ZFR: variants seen among roughly 807,000 people sequenced by gnomAD.
ZFR encodes the protein zinc finger RNA binding protein.
Under a neutral mutation model 130.7 loss-of-function variants are expected in ZFR, and 19 were observed. The ratio of observed to expected loss-of-function variants is 0.15; its 90% confidence interval spans 0.10 to 0.21. ZFR has a LOEUF of 0.21. Among genes scored for constraint, ZFR ranks in the 10% least tolerant of loss-of-function variants. ZFR has a pLI of 1.00. For missense variants in ZFR, 872 were observed against 1,321.5 expected (o/e 0.66, Z 5.27); for synonymous variants, 466 against 456.9 (o/e 1.02, Z -0.25).
intron 9 of ZFR, among the ~76,000 whole-genome samples, chr5:32,399,417 A>G (rs774139304): frequency 1.9e-4 from 29 of 152,234 alleles, no homozygotes; most frequent in Non-Finnish European, 3.5e-4. Flanking sequence ...CTGAAGCTCA[A>G]AAAACATATA....
Position 32,415,026 on chromosome 5 carries a change from C to G in ZFR, c.727G>C (p.Val243Leu). The change falls in exon 5 of 20, where the codon GTG becomes CTG. Residue 243 changes from valine (V) to leucine (L), a missense_variant. Transcript: ENST00000265069. ...TVQPVAAAAT[V>L]VPSYTQSATY... Reference sequence around the variant, plus strand: ...GCACTCTGAGTATAGGATGGCACCACAGTAGCCGCAGCTGCTACTGGCTGT... The same window carrying G: ...GCACTCTGAGTATAGGATGGCACCAGAGTAGCCGCAGCTGCTACTGGCTGT... 6.2e-7 allele frequency: 1 copy of G among 1,614,128 alleles called. No homozygotes were observed. Among genetic ancestry groups the G allele is most frequent in the Non-Finnish European group, 8.5e-7 (1 of 1,179,982 alleles).
Position 32,403,325 on chromosome 5 carries a change from A to T in ZFR, c.1297T>A (p.Ser433Thr), listed in dbSNP as rs771221596. The T allele has an allele frequency of 4.3e-6, 7 of 1,614,214 alleles. No homozygotes were observed. The highest frequency in any genetic ancestry group is 5.9e-6 in the Non-Finnish European group (7 of 1,180,026). Reference protein sequence around the residue: ...TEPNVVSQATSSTAVSASKPT... With the variant: ...TEPNVVSQATTSTAVSASKPT... Reference sequence around the variant, plus strand: ...TTTGAAGCAGATACAGCTGTTGAAGAAGTAGCTTGGCTAACAACATTTGGT... The same window carrying T: ...TTTGAAGCAGATACAGCTGTTGAAGTAGTAGCTTGGCTAACAACATTTGGT... The change falls in exon 8 of 20, where the codon TCT becomes ACT. Residue 433 changes from serine (S) to threonine (T), a missense_variant. Ser to Thr is a moderately conservative substitution (Grantham distance 58). Transcript: ENST00000265069.
At chr5:32,409,385 T>C (rs1753648588) in intron 5 of ZFR, among the ~76,000 whole-genome samples, 1 of 152,136 alleles carries the variant, frequency 6.6e-6, no homozygotes, top group Non-Finnish European at 1.5e-5. Flanking sequence ...TGTTAAGCTG[T>C]ACTGAGTTTT....
At chr5:32,429,942 G>A (rs900228194) in intron 2 of ZFR, among the ~76,000 whole-genome samples, 2 of 151,730 alleles carry the variant, frequency 1.3e-5, no homozygotes, top group Non-Finnish European at 2.9e-5. Flanking sequence ...GCCAGGTATG[G>A]TGGGGTCCTG....
chr5:32,408,821 A>G (rs1313610180), intron 5 of ZFR, among the ~76,000 whole-genome samples: 1 of 152,136 alleles, frequency 6.6e-6, no homozygotes, highest in Non-Finnish European at 1.5e-5. Flanking sequence ...TTCATTTCAG[A>G]TGTTTTCTTG....
chr5:32,405,554 G>A (rs1055369261), intron 6 of ZFR, among the ~76,000 whole-genome samples: 7 of 152,194 alleles, frequency 4.6e-5, no homozygotes, highest in African/African-American at 1.4e-4. Context: ...GCGTCACGCT[G>A]TATACTTTCA....
chr5:32,401,116 CAATT>C (rs1753439226), intron 8 of ZFR, among the ~76,000 whole-genome samples: 1 of 152,264 alleles, frequency 6.6e-6, no homozygotes, highest in Non-Finnish European at 1.5e-5. Flanking sequence ...TTTTTATCAT[CAATT>C]AAACTTAACA....
intron 19 of ZFR, among the ~76,000 whole-genome samples, chr5:32,361,722 G>A: frequency 6.6e-6 from 1 of 150,754 alleles, no homozygotes; most frequent in Non-Finnish European, 1.5e-5. Context: ...GGGTTTAAGC[G>A]ATTCTCGTGC....
chr5:32,419,740 G>C, intron 3 of ZFR, 81 bp downstream of exon 3: 2 of 1,486,262 alleles, frequency 1.3e-6, no homozygotes, highest in South Asian at 2.8e-5. Context: ...AGTTTGAGAA[G>C]CAATGGCTAG....
At chr5:32,412,919 T>C (rs1753741653) in intron 5 of ZFR, among the ~76,000 whole-genome samples, 1 of 152,176 alleles carries the variant, frequency 6.6e-6, no homozygotes, top group African/African-American at 2.4e-5. Flanking sequence ...GCACGGTGGC[T>C]CATGCCTGTA....
chr5:32,422,446 GCTCTGTATAGCCAGGT>G (rs1384764228), intron 2 of ZFR, among the ~76,000 whole-genome samples: 4 of 152,214 alleles, frequency 2.6e-5, no homozygotes, highest in Non-Finnish European at 5.9e-5. Context: ...GTCTAACTCT[GCTCTGTATAGCCAGGT>G]CTCTAACCAT....
rs1752485537 is a variant in ZFR at position 32,363,940 on chromosome 5, A to T, written c.3045+8T>A. ...CCAATAGGGCTCTGAATTTAGGAAT[A>T]CCAGTACCTGTGCACTGGATGTGAT... On this transcript the variant is annotated splice_region_variant and intron_variant, in intron 19 of 19. Transcript: ENST00000265069. 1 of 1,610,048 alleles carries T rather than the reference A, an allele frequency of 6.2e-7. No individual in the cohort carries two copies. Among genetic ancestry groups the T allele is most frequent in the Non-Finnish European group, 8.5e-7 (1 of 1,176,632 alleles).
chr5:32,386,830 A>G (rs1753056046), intron 14 of ZFR, among the ~76,000 whole-genome samples: 1 of 152,182 alleles, frequency 6.6e-6, no homozygotes, highest in African/African-American at 2.4e-5. Flanking sequence ...CATGTTACCA[A>G]TGAAAGCTGA....
chr5:32,389,395 C>T (rs1753111800), intron 12 of ZFR, among the ~76,000 whole-genome samples: 1 of 152,152 alleles, frequency 6.6e-6, no homozygotes, highest in African/African-American at 2.4e-5. Context: ...GTTGCCCAGG[C>T]TAGTCTTGAA....
At chr5:32,433,031 C>T (rs950905066) in intron 2 of ZFR, among the ~76,000 whole-genome samples, 3 of 152,086 alleles carry the variant, frequency 2.0e-5, no homozygotes, top group Non-Finnish European at 4.4e-5. Flanking sequence ...TGTGCCCTGC[C>T]GCTTGATTTC....
At chr5:32,381,651 T>C (rs1014510790) in intron 15 of ZFR, among the ~76,000 whole-genome samples, 1 of 152,180 alleles carries the variant, frequency 6.6e-6, no homozygotes, top group African/African-American at 2.4e-5. Flanking sequence ...CTTGTTCTTA[T>C]TTTGAGTAGA....
At chr5:32,387,362 T>C (rs1753065062) in intron 14 of ZFR, among the ~76,000 whole-genome samples, 187 bp downstream of exon 14, 2 of 152,062 alleles carry the variant, frequency 1.3e-5, no homozygotes, top group South Asian at 2.1e-4. Flanking sequence ...ATAATCACTA[T>C]AAAACCTAAA....
At chr5:32,440,391 T>TA (rs2111877446) in intron 2 of ZFR, among the ~76,000 whole-genome samples, 1 of 152,314 alleles carries the variant, frequency 6.6e-6, no homozygotes, top group South Asian at 2.1e-4. Flanking sequence ...CTCATGCCTG[T>TA]AATCCCAGCA....
chr5:32,368,622 C>A (rs1298096806), intron 17 of ZFR, among the ~76,000 whole-genome samples: 1 of 152,130 alleles, frequency 6.6e-6, no homozygotes, highest in Non-Finnish European at 1.5e-5. Flanking sequence ...AAGAAAAGCA[C>A]AAAAAATATT....
Sources: gnomAD v4.1 joint callset for allele counts (sites outside exome capture counted in the v4.1 genomes callset) on GRCh38, gnomAD v4.1.1 for gene constraint, MANE v1.5 for transcripts, NCBI Gene and HGNC (gene_info 2026-07-23, HGNC 2026-07-21) for gene names.